The following DOCK9 variants were observed in gnomAD, a reference collection of about 807,000 sequenced individuals.
DOCK9 encodes the protein dedicator of cytokinesis protein 9.
A neutral mutation model predicts 263.3 loss-of-function variants in DOCK9; 89 were observed. The ratio of observed to expected loss-of-function variants is 0.34; its 90% CI spans 0.28 to 0.40. The LOEUF (loss-of-function observed/expected upper bound fraction) is 0.40. Ranked by LOEUF, DOCK9 falls within the 10% of genes least tolerant of loss-of-function variation. The pLI is 1.00. For synonymous variants in DOCK9, 976 were observed against 973.1 expected (o/e 1.00, Z -0.06); for missense variants, 2,140 against 2,603.4 (o/e 0.82, Z 3.87).
intron 27 of DOCK9, among the ~76,000 whole-genome samples, chr13:98,877,625 C>G (rs2044080145): frequency 1.3e-5 from 2 of 152,166 alleles, no homozygotes. Context: ...CCCACTGCAA[C>G]TGATGCCTCT....
intron 1 of DOCK9, among the ~76,000 whole-genome samples, chr13:99,059,056 G>A (rs147896428): frequency 7.9e-5 from 12 of 152,198 alleles, no homozygotes; most frequent in East Asian, 1.9e-4. Context: ...TCCACTACCC[G>A]TCCTGTAAAT....
chr13:98,985,516 T>C lies in DOCK9; in HGVS notation c.130-29965A>G, dbSNP rs1878248499. Among the ~76,000 whole-genome samples the C allele has an allele frequency of 2.0e-5, 3 of 152,248 alleles. No homozygotes were observed. The South Asian group carries it at 6.2e-4, about 32-fold the overall frequency. ...TGAGAAAATATACATTGAATGAATT[T>C]ACTGAAGGCTCAGGATCCTCTCAGT... On this transcript the variant is annotated intron_variant, in intron 1 of 32. Transcript: ENST00000427887.
At chr13:98,981,060 T>G (rs1877068173), upstream of DOCK9, among the ~76,000 whole-genome samples, 1 of 151,154 alleles carries the variant, frequency 6.6e-6, no homozygotes. Context: ...ATTTGTTTTT[T>G]GTTTTTTTTT....
chr13:99,081,280 A>T (rs1332170052), intron 1 of DOCK9, among the ~76,000 whole-genome samples: 2 of 152,214 alleles, frequency 1.3e-5, no homozygotes, highest in Non-Finnish European at 2.9e-5. Context: ...CAGCACTGGA[A>T]TCTTGAGCTG....
intron 38 of DOCK9, among the ~76,000 whole-genome samples, chr13:98,840,371 C>G (rs2093166950): frequency 6.6e-6 from 1 of 152,224 alleles, no homozygotes; most frequent in Non-Finnish European, 1.5e-5. Context: ...GACAGAGCTG[C>G]AGGACTTCTG....
chr13:98,905,062 C>A (rs2048878154), intron 9 of DOCK9, among the ~76,000 whole-genome samples: 1 of 152,150 alleles, frequency 6.6e-6, no homozygotes, highest in South Asian at 2.1e-4. Flanking sequence ...AGCTGAACAT[C>A]CCTGGCTGAA....
chr13:98,976,381 C>T (rs1365712949), intron 1 of DOCK9, among the ~76,000 whole-genome samples: 2 of 131,530 alleles, frequency 1.5e-5, no homozygotes, highest in Non-Finnish European at 3.3e-5. Flanking sequence ...TTTAAGAAGT[C>T]ACTTGTGTGC....
intron 6 of DOCK9, among the ~76,000 whole-genome samples, chr13:98,921,647 AT>A (rs1209931083): frequency 6.6e-6 from 1 of 151,702 alleles, no homozygotes; most frequent in Non-Finnish European, 1.5e-5. Context: ...CTATGCAACT[AT>A]TTTCTTTTCT....
chr13:98,794,669 C>T lies in DOCK9; in HGVS notation c.6236G>A (p.Ser2079Asn), dbSNP rs1187226754. The T allele has an allele frequency of 5.6e-6, 9 of 1,613,424 alleles. No individual in the cohort carries two copies. In the Admixed American group the frequency reaches 1.0e-4, roughly 18 times the overall value. The change falls in exon 53 of 53, where the codon AGC (serine) becomes AAC (asparagine). Residue 2079 changes from serine (S) to asparagine (N), a missense_variant. Around this residue, in one of 2 missense-constraint regions of DOCK9, gnomAD observed 619 missense variants for 861.8 expected, o/e 0.72. Transcript: ENST00000682017. Reference sequence around the variant, plus strand: ...GCTGGTCATCCCGTGAACCATTGTGCTTGTTGGAGTCCCACTGATGGCGTT... The same window carrying T: ...GCTGGTCATCCCGTGAACCATTGTGTTTGTTGGAGTCCCACTGATGGCGTT... ...IFNAISGTPT[S>N]TMVHGMTSSS...
chr13:99,088,262 G>A (rs2042391815), upstream of DOCK9: 1 of 152,270 alleles, frequency 6.6e-6, no homozygotes, highest in Non-Finnish European at 1.5e-5. Flanking sequence ...CGTGAAATGA[G>A]GGAATGGCCC....
intron 1 of DOCK9, among the ~76,000 whole-genome samples, chr13:99,029,818 A>G (rs904656763): frequency 2.6e-5 from 4 of 152,252 alleles, no homozygotes; most frequent in African/African-American, 9.6e-5. Context: ...ATGTCCACAC[A>G]AAGACTTGTA....
intron 1 of DOCK9, among the ~76,000 whole-genome samples, chr13:99,028,537 T>G (rs545532714): frequency 1.3e-5 from 2 of 152,226 alleles, no homozygotes; most frequent in African/African-American, 4.8e-5. Flanking sequence ...GATATGCATA[T>G]TTCCTTCTTG....
chr13:98,902,992 C>T lies in DOCK9; in HGVS notation c.1156G>A (p.Glu386Lys). Residue 386 changes from glutamate (E) to lysine (K), a missense_variant, in exon 11 of 53, where the codon GAA becomes AAA. Coordinates refer to ENST00000682017, the MANE Select transcript of DOCK9 (RefSeq NM_001366683.2). ...FNLQCCVAENEEGPTTNVEPF... is the reference protein window; with the variant it reads ...FNLQCCVAENKEGPTTNVEPF... Reference sequence around the variant, plus strand: ...ATTACATTTGTAGTGGGTCCTTCTTCATTTTCGGCAACACAGCATTGCAAA... The same window carrying T: ...ATTACATTTGTAGTGGGTCCTTCTTTATTTTCGGCAACACAGCATTGCAAA... 2 of 1,512,302 alleles carry T rather than the reference C, an allele frequency of 1.3e-6. No individual in the cohort carries two copies. Among genetic ancestry groups the T allele is most frequent in the Non-Finnish European group, 1.8e-6 (2 of 1,135,646 alleles). 93.7% of individuals were successfully genotyped at this position (1,512,302 alleles called of 1,614,324 possible). A position where few individuals can be genotyped will look rare whatever the true frequency, so the allele number is the denominator to read the frequency against.
intron 1 of DOCK9, among the ~76,000 whole-genome samples, chr13:99,085,872 AG>A (rs1351757798): frequency 4.3e-5 from 4 of 92,062 alleles, no homozygotes; most frequent in Non-Finnish European, 7.1e-5. Context: ...GATGCGGGGG[AG>A]GGGGGAGAGT....
chr13:98,900,384 C>A (rs1421560356), intron 13 of DOCK9, among the ~76,000 whole-genome samples: 1 of 152,058 alleles, frequency 6.6e-6, no homozygotes, highest in African/African-American at 2.4e-5. Flanking sequence ...TATATTGGGC[C>A]TTCATTGATT....
intron 27 of DOCK9, among the ~76,000 whole-genome samples, chr13:98,873,231 C>G (rs2094236051): frequency 6.6e-6 from 1 of 152,218 alleles, no homozygotes; most frequent in Admixed American, 6.5e-5. Flanking sequence ...TATCTGTTGA[C>G]TCAGATCAAC....
chr13:99,086,361 C>CCCGCCGCCT (rs1171790920), exon 1 of DOCK9: 1 of 1,311,268 alleles, frequency 7.6e-7, no homozygotes, highest in East Asian at 3.4e-5. Context: ...TCCTCCTGCC[C>CCCGCCGCCT]CCGCCGCCTC....
chr13:98,859,751 G>GTATATATATATA (rs544974823), intron 33 of DOCK9: 50 of 139,378 alleles, frequency 3.6e-4, no homozygotes, highest in South Asian at 9.5e-4. Context: ...GTGTGTGTGT[G>GTATATATATATA]TGTATATATA....
intron 9 of DOCK9, among the ~76,000 whole-genome samples, chr13:98,907,325 T>C (rs1459360927): frequency 6.6e-6 from 1 of 152,216 alleles, no homozygotes; most frequent in African/African-American, 2.4e-5. Flanking sequence ...TCTCAGACGC[T>C]AGAGCAGAGG....
Sources: allele counts gnomAD v4.1 joint callset (sites outside exome capture counted in the v4.1 genomes callset), GRCh38; gene constraint gnomAD v4.1.1; regional missense constraint gnomAD v4.1.1; transcripts MANE v1.5; gene names NCBI Gene and HGNC (gene_info 2026-07-23, HGNC 2026-07-21).